Variants in USP13 observed in about 807,000 individuals in gnomAD.
USP13 encodes ubiquitin carboxyl-terminal hydrolase 13.
A neutral mutation model predicts 107.8 loss-of-function variants in USP13; 68 were observed. The observed-to-expected ratio is 0.63, with a 90% confidence interval of 0.52 to 0.77. The LOEUF is 0.77. Ranked by LOEUF, USP13 falls within the 30% of genes least tolerant of loss-of-function variation. USP13 has a pLI of 0.00. For synonymous variants in USP13, 377 were observed against 389.5 expected (o/e 0.97, Z 0.38); for missense variants, 945 against 1,093.3 (o/e 0.86, Z 1.91).
At chr3:179,691,032 A>C (rs1712099877) in intron 3 of USP13, among the ~76,000 whole-genome samples, 2 of 151,984 alleles carry the variant, frequency 1.3e-5, no homozygotes, top group South Asian at 4.2e-4. Context: ...AGCCGGGTAT[A>C]GTGGTGTGTG....
chr3:179,718,282 G>T (rs1713176970), intron 6 of USP13, among the ~76,000 whole-genome samples: 1 of 73,692 alleles, frequency 1.4e-5, no homozygotes. Context: ...TCCTTCTTTA[G>T]AAACTTTTTT....
At chr3:179,681,093 T>C (rs1353796853) in intron 1 of USP13, among the ~76,000 whole-genome samples, 2 of 152,180 alleles carry the variant, frequency 1.3e-5, no homozygotes, top group African/African-American at 4.8e-5. Flanking sequence ...AGAACCTCAC[T>C]GTGAACGTAG....
chr3:179,684,451 C>A (rs973891933), intron 2 of USP13, among the ~76,000 whole-genome samples: 11 of 152,162 alleles, frequency 7.2e-5, no homozygotes, highest in Non-Finnish European at 1.3e-4. Flanking sequence ...GCTGAGACCA[C>A]AGGCATGGGT....
intron 19 of USP13, among the ~76,000 whole-genome samples, chr3:179,775,496 G>A (rs770004783): frequency 5.9e-5 from 9 of 152,236 alleles, no homozygotes; most frequent in Non-Finnish European, 8.8e-5. Flanking sequence ...GGAGCTGCCC[G>A]CCAGTTCCGC....
In USP13 at chr3:179,730,797, A is replaced by G. The variant is rs879224715; in HGVS notation, c.1254+88A>G. 3.3e-6 allele frequency: 4 copies of G among 1,228,058 alleles called. No individual in the cohort carries two copies. The South Asian group carries it at 4.0e-5, about 12-fold the overall frequency. The allele number at this position is 1,228,058 out of a possible 1,614,324, so 76.1% of individuals were successfully genotyped here. A position where few individuals can be genotyped will look rare whatever the true frequency, so the allele number is the denominator to read the frequency against. ...TCCTATGATTTGGCACATGGTGGCCATAAATTTAGCAAGCTGTCAGAATAG... is the reference window on the plus strand; with the variant it reads ...TCCTATGATTTGGCACATGGTGGCCGTAAATTTAGCAAGCTGTCAGAATAG... On this transcript the variant is annotated intron_variant, in intron 10 of 20. Transcript: ENST00000263966.
chr3:179,660,949 G>T (rs964537013), intron 1 of USP13, among the ~76,000 whole-genome samples: 12 of 152,114 alleles, frequency 7.9e-5, no homozygotes, highest in Admixed American at 3.9e-4. Flanking sequence ...AACTATTTTT[G>T]AGAACCGCAA....
intron 8 of USP13, among the ~76,000 whole-genome samples, chr3:179,726,684 T>G (rs1051464904): frequency 1.4e-4 from 1 of 7,208 alleles, no homozygotes; most frequent in Non-Finnish European, 2.5e-4. Context: ...CTGGTAGGCT[T>G]TTTTTTTTTT....
chr3:179,659,203 T>A (rs1030168628), intron 1 of USP13, among the ~76,000 whole-genome samples: 3 of 152,152 alleles, frequency 2.0e-5, no homozygotes, highest in African/African-American at 7.2e-5. Flanking sequence ...GGTTTAGATA[T>A]CCACCAGGAA....
Position 179,784,490 on chromosome 3 carries a change from G to A in USP13, c.*349G>A, listed in dbSNP as rs2108560871. On this transcript the variant is annotated 3_prime_UTR_variant, in exon 21 of 21. Coordinates refer to ENST00000263966, the MANE Select transcript of USP13 (RefSeq NM_003940.3). The stretch of plus-strand genomic sequence containing the variant: ...TATTTTGCTTTGGGGGTCAGTGATA[G>A]TGGCCTCTGGAGAAACCAAATAATG... The A allele has an allele frequency of 5.5e-6, 1 of 183,344 alleles. No individual in the cohort carries two copies. The highest frequency in any genetic ancestry group is 1.5e-4 in the East Asian group (1 of 6,818). 11.4% of individuals were successfully genotyped at this position (183,344 alleles called of 1,614,324 possible). A position where few individuals can be genotyped will look rare whatever the true frequency, so the allele number is the denominator to read the frequency against.
At chr3:179,716,240 C>T (rs529812922) in intron 6 of USP13, among the ~76,000 whole-genome samples, 1 of 151,964 alleles carries the variant, frequency 6.6e-6, no homozygotes, top group East Asian at 1.9e-4. Flanking sequence ...AGTTTTAACA[C>T]AAGGACTTGC....
At chr3:179,734,915 A>G (rs1713935957) in intron 10 of USP13, among the ~76,000 whole-genome samples, 1 of 152,228 alleles carries the variant, frequency 6.6e-6, no homozygotes, top group African/African-American at 2.4e-5. Context: ...TAATTAAAGC[A>G]TTCGGCTCAG....
chr3:179,759,081 A>G (rs1291651204), intron 16 of USP13, among the ~76,000 whole-genome samples: 1 of 151,998 alleles, frequency 6.6e-6, no homozygotes, highest in Non-Finnish European at 1.5e-5. Flanking sequence ...TCCCGGGTTC[A>G]AGCAATTCTT....
In USP13 at chr3:179,742,651, T is replaced by C. The variant is rs1297800833; in HGVS notation, c.1534+301T>C. On this transcript the variant is annotated intron_variant, in intron 12 of 20. Coordinates refer to ENST00000263966, the MANE Select transcript of USP13 (RefSeq NM_003940.3). This position sits in a 1 kb window ranked among gnomAD's most constrained non-coding sequence, Gnocchi z 5.0. Reference sequence around the variant, plus strand: ...TTTTGGGGAAAATTATTGGTAATGATGTATGTAGAAAATTCTTTAACACTG... The same window carrying C: ...TTTTGGGGAAAATTATTGGTAATGACGTATGTAGAAAATTCTTTAACACTG... 6.6e-6 allele frequency among the ~76,000 whole-genome samples: 1 copy of C among 152,222 alleles called. No individual in the cohort carries two copies. Among genetic ancestry groups the C allele is most frequent in the Non-Finnish European group, 1.5e-5 (1 of 68,026 alleles).
At chr3:179,666,222 G>A (rs1720583250) in intron 1 of USP13, among the ~76,000 whole-genome samples, 1 of 152,178 alleles carries the variant, frequency 6.6e-6, no homozygotes, top group Non-Finnish European at 1.5e-5. Flanking sequence ...TGAGGATGGT[G>A]GTCATTCCGG....
chr3:179,665,252 G>A (rs184827443), intron 1 of USP13, among the ~76,000 whole-genome samples: 5 of 152,240 alleles, frequency 3.3e-5, no homozygotes, highest in Admixed American at 6.5e-5. Flanking sequence ...GATCTCTATC[G>A]TAGTGGAGTG....
At chr3:179,769,989 A>G (rs1288685658) in intron 19 of USP13, among the ~76,000 whole-genome samples, 1 of 152,230 alleles carries the variant, frequency 6.6e-6, no homozygotes, top group Non-Finnish European at 1.5e-5. Flanking sequence ...CAAACACAGC[A>G]GGGGGCCACA....
chr3:179,671,895 T>C (rs1444106356), intron 1 of USP13, among the ~76,000 whole-genome samples: 3 of 152,216 alleles, frequency 2.0e-5, no homozygotes, highest in Non-Finnish European at 4.4e-5. Flanking sequence ...TCCATCTACC[T>C]ACATCATGTT....
At chr3:179,775,300 G>A (rs569750609) in intron 19 of USP13, among the ~76,000 whole-genome samples, 87 of 151,574 alleles carry the variant, frequency 5.7e-4, no homozygotes, top group African/African-American at 2.0e-3. Flanking sequence ...AAACGTTCTC[G>A]AAGTCCCCAC....
intron 15 of USP13, among the ~76,000 whole-genome samples, chr3:179,756,472 A>G (rs1054881296): frequency 1.3e-5 from 2 of 152,090 alleles, no homozygotes; most frequent in Non-Finnish European, 2.9e-5. Context: ...GGCTGGGCGC[A>G]GTGGTGCATG....
Sources: gnomAD v4.1 joint callset for allele counts (sites outside exome capture counted in the v4.1 genomes callset) on GRCh38, gnomAD v4.1.1 for gene constraint, Gnocchi (gnomAD v3.1) non-coding constraint, MANE v1.5 for transcripts, NCBI Gene and HGNC (gene_info 2026-07-23, HGNC 2026-07-21) for gene names.